Variants in ERBB4 observed in about 807,000 individuals in gnomAD.
The protein encoded by ERBB4 is receptor tyrosine-protein kinase erbB-4.
A neutral mutation model predicts 158.0 loss-of-function variants in ERBB4; 42 were observed. The ratio of observed to expected loss-of-function variants is 0.27; its 90% CI spans 0.21 to 0.34. The LOEUF is 0.34. ERBB4 is among the 10% of genes least tolerant of loss of function. ERBB4 has a pLI of 1.00. For synonymous variants in ERBB4, 583 were observed against 558.7 expected (o/e 1.04, Z -0.61); for missense variants, 1,333 against 1,624.1 (o/e 0.82, Z 3.08).
intron 3 of ERBB4, among the ~76,000 whole-genome samples, chr2:211,870,101 A>G (rs1349699470): frequency 6.6e-6 from 1 of 152,092 alleles, no homozygotes; most frequent in East Asian, 1.9e-4. Context: ...CACTCTTTTT[A>G]TAGTTGCCCA....
chr2:211,450,112 A>T (rs7567117), intron 20 of ERBB4, among the ~76,000 whole-genome samples: 21 of 152,232 alleles, frequency 1.4e-4, no homozygotes, highest in African/African-American at 4.8e-4. Context: ...TAACTGAGGC[A>T]GCCTGGTTTC....
chr2:212,481,018 A>T (rs1224792384), intron 1 of ERBB4, among the ~76,000 whole-genome samples: 2 of 152,148 alleles, frequency 1.3e-5, no homozygotes, highest in Non-Finnish European at 2.9e-5. Flanking sequence ...CACTTTAAAC[A>T]TCTATTCTAA....
At chr2:211,773,634 AT>A (rs1274477763) in intron 4 of ERBB4, among the ~76,000 whole-genome samples, 10 of 84,224 alleles carry the variant, frequency 1.2e-4, no homozygotes, top group African/African-American at 5.5e-4. Flanking sequence ...ATATATATAT[AT>A]ATATATATAT....
chr2:212,483,746 C>CTT (rs10648878), intron 1 of ERBB4, among the ~76,000 whole-genome samples: 1,842 of 151,858 alleles, frequency 0.012, 38 homozygotes, highest in African/African-American at 0.042. Flanking sequence ...TCATCATGGT[C>CTT]TTTTTTTTGA....
At chr2:212,221,425 C>T (rs1879651) in intron 1 of ERBB4, among the ~76,000 whole-genome samples, 147,851 of 151,606 alleles carry the variant, frequency 0.98, 72,183 homozygotes, top group Middle Eastern at 1. Flanking sequence ...CAGAGACCCA[C>T]ACATAAGGTA....
chr2:211,847,408 C>T (rs542430460), intron 3 of ERBB4, among the ~76,000 whole-genome samples: 44 of 152,186 alleles, frequency 2.9e-4, no homozygotes, highest in African/African-American at 1.0e-3. Context: ...ATGCTGCCAA[C>T]TGAGCCCACA....
intron 1 of ERBB4, among the ~76,000 whole-genome samples, chr2:212,240,640 A>AAAAAAAAAAAAAAAAAAAAAAAAAAAAAC (rs2084057770): frequency 1.1e-5 from 1 of 92,984 alleles, no homozygotes; most frequent in Non-Finnish European, 2.3e-5. Context: ...TCTGGCTCAA[A>AAAAAAAAAAAAAAAAAAAAAAAAAAAAAC]AAAAAAAAAA....
intron 13 of ERBB4, among the ~76,000 whole-genome samples, chr2:211,675,792 T>TTTTATATATATATATATATATATA (rs1553607852): frequency 1.1e-5 from 1 of 93,574 alleles, no homozygotes; most frequent in Non-Finnish European, 2.8e-5. Context: ...AAATATAATA[T>TTTTATATATATATATATATATATA]TATATATATA....
chr2:211,505,831 G>C (rs1006273129), intron 20 of ERBB4, among the ~76,000 whole-genome samples: 4 of 151,894 alleles, frequency 2.6e-5, no homozygotes, highest in Non-Finnish European at 5.9e-5. Context: ...GTGGTAGTGG[G>C]TGCCTATAAT....
At chr2:211,678,369 G>A (rs2072185183) in intron 13 of ERBB4, among the ~76,000 whole-genome samples, 1 of 149,802 alleles carries the variant, frequency 6.7e-6, no homozygotes, top group South Asian at 2.1e-4. Flanking sequence ...TTATAGAGAA[G>A]TATGAGAGGA....
intron 20 of ERBB4, among the ~76,000 whole-genome samples, chr2:211,551,422 G>A (rs1400130469): frequency 6.6e-6 from 1 of 152,052 alleles, no homozygotes; most frequent in African/African-American, 2.4e-5. Context: ...GTTTAGCTAT[G>A]CCACTAATAC....
intron 19 of ERBB4, among the ~76,000 whole-genome samples, chr2:211,572,589 A>G (rs1322095066): frequency 2.0e-5 from 3 of 151,938 alleles, no homozygotes; most frequent in Admixed American, 1.3e-4. Flanking sequence ...CTTTCCTGCA[A>G]CCCCTTAGTG....
chr2:211,793,469 A>AG, intron 3 of ERBB4, among the ~76,000 whole-genome samples: 1 of 151,952 alleles, frequency 6.6e-6, no homozygotes, highest in Non-Finnish European at 1.5e-5. Flanking sequence ...TGTCAGACTT[A>AG]TACTATCTAT....
At position 211,380,831 on chromosome 2, in the gene ERBB4, C is replaced by CATTT. The variant is rs762020571; in HGVS notation, c.*2780_*2783dup. 14 of 231,692 alleles carry CATTT rather than the reference C, an allele frequency of 6.0e-5. No homozygotes were observed. The Middle Eastern group carries it at 3.7e-3, about 62-fold the overall frequency. The allele number at this position is 231,692 out of a possible 1,614,324, so 14.4% of individuals were successfully genotyped here. Reference sequence around the variant, plus strand: ...GGAGGAAAGAGACATTCACTAAATACATTTCTGTTACCTTAACAGTTAAAA... The same window carrying CATTT: ...GGAGGAAAGAGACATTCACTAAATACATTTATTTCTGTTACCTTAACAGTTAAAA... On this transcript the variant is annotated 3_prime_UTR_variant, in exon 28 of 28. Coordinates refer to ENST00000342788, the MANE Select transcript of ERBB4 (RefSeq NM_005235.3).
At chr2:212,034,962 G>A (rs1490205319) in intron 2 of ERBB4, among the ~76,000 whole-genome samples, 1 of 152,170 alleles carries the variant, frequency 6.6e-6, no homozygotes, top group Non-Finnish European at 1.5e-5. Flanking sequence ...ATTAGGTTAT[G>A]TTAATTCCTT....
At chr2:211,623,382 T>C (rs1195969050) in intron 18 of ERBB4, among the ~76,000 whole-genome samples, 1 of 151,994 alleles carries the variant, frequency 6.6e-6, no homozygotes, top group Non-Finnish European at 1.5e-5. Context: ...ATTTACAAAA[T>C]CATAAATGTA....
intron 3 of ERBB4, among the ~76,000 whole-genome samples, chr2:211,865,897 A>G (rs546391181): frequency 6.6e-6 from 1 of 152,336 alleles, no homozygotes; most frequent in Admixed American, 6.5e-5. Context: ...TTAATTCTTT[A>G]AAGTGTAAAA....
rs186434216 is a variant in ERBB4 at position 212,490,778 on chromosome 2, T to C, written c.82+47671A>G. On this transcript the variant is annotated intron_variant, in intron 1 of 27. Transcript: ENST00000342788. ...TTTCTTGTATAATTAACTACGGGCT[T>C]TAATAGCCCTTGCATAGTTTATGTT... Among the ~76,000 whole-genome samples the C allele has an allele frequency of 3.9e-3, 591 of 151,858 alleles. 6 individuals carry two copies. The highest frequency in any genetic ancestry group is 0.014 in the African/African-American group (562 of 41,532).
chr2:211,806,567 A>G (rs2076621190), intron 3 of ERBB4, among the ~76,000 whole-genome samples: 1 of 152,212 alleles, frequency 6.6e-6, no homozygotes, highest in Admixed American at 6.5e-5. Flanking sequence ...GTAACTAAAG[A>G]GAAGTATCAC....
Sources: gnomAD v4.1 joint callset for allele counts (sites outside exome capture counted in the v4.1 genomes callset) on GRCh38, gnomAD v4.1.1 for gene constraint, MANE v1.5 for transcripts, NCBI Gene and HGNC (gene_info 2026-07-23, HGNC 2026-07-21) for gene names.